Variants in UBR2 observed in about 807,000 individuals in gnomAD.
The protein encoded by UBR2 is E3 ubiquitin-protein ligase UBR2.
A neutral mutation model predicts 247.9 loss-of-function variants in UBR2; 92 were observed. That is an observed-to-expected ratio of 0.37 (90% CI 0.31 to 0.44). The LOEUF (loss-of-function observed/expected upper bound fraction) is 0.44. UBR2 is among the 20% of genes least tolerant of loss of function. The pLI is 1.00. For synonymous variants in UBR2, 672 were observed against 693.5 expected, an observed-to-expected ratio of 0.97 and a Z score of 0.49; for missense variants, 1,613 against 2,112.6, an observed-to-expected ratio of 0.76 and a Z score of 4.64.
intron 2 of UBR2, among the ~76,000 whole-genome samples, chr6:42,580,719 T>C (rs954573142): frequency 1.3e-5 from 2 of 152,150 alleles, no homozygotes; most frequent in Admixed American, 6.5e-5. Flanking sequence ...TGTTTTGTAT[T>C]TGTAGTAGAG....
intron 1 of UBR2, among the ~76,000 whole-genome samples, chr6:42,565,928 G>C (rs1790753592): frequency 6.6e-6 from 1 of 152,034 alleles, no homozygotes; most frequent in South Asian, 2.1e-4. Flanking sequence ...TCTACTTAAT[G>C]TTGTACAACT....
intron 10 of UBR2, among the ~76,000 whole-genome samples, chr6:42,616,959 C>T (rs768819880): frequency 6.6e-5 from 10 of 152,172 alleles, no homozygotes; most frequent in Middle Eastern, 6.3e-3. Context: ...TTTAGCTCCA[C>T]CAGCATACAA....
rs1380548969 is a variant in UBR2, at chr6:42,617,521, G to A, written c.1281+14G>A. ...GTTCCTTCACTTGTAAGTACTGAAA[G>A]ACTAGAAGAACTTTCTTGTTTTCCA... On this transcript the variant is annotated intron_variant, in intron 11 of 46. Transcript: ENST00000372901. The A allele has an allele frequency of 5.8e-6, 9 of 1,549,254 alleles. No homozygotes were observed. The highest frequency in any genetic ancestry group is 7.9e-6 in the Non-Finnish European group (9 of 1,145,886).
In UBR2 at chr6:42,659,520, T is replaced by TATACACACACACACACAC. The variant is rs1404867350; in HGVS notation, c.3243-135_3243-134insTACACACACACACACACA. 1 of 472,384 alleles carries TATACACACACACACACAC rather than the reference T, an allele frequency of 2.1e-6. No homozygotes were observed. Among genetic ancestry groups the TATACACACACACACACAC allele is most frequent in the Admixed American group, 3.9e-5 (1 of 25,968 alleles). The allele number at this position is 472,384 out of a possible 1,614,324, so 29.3% of individuals were successfully genotyped here. ...GTCTCAAAAAATAAATAAATATATATACACACACACACACACACACACACA... is the reference window on the plus strand; with the variant it reads ...GTCTCAAAAAATAAATAAATATATATATACACACACACACACACACACACACACACACACACACACACA... On this transcript the variant is annotated intron_variant, in intron 29 of 46. Coordinates refer to ENST00000372901, the MANE Select transcript of UBR2 (RefSeq NM_001363705.2). The surrounding 1 kb of genome is among the most constrained non-coding windows in gnomAD (Gnocchi z 4.3).
intron 2 of UBR2, 121 bp downstream of exon 2, chr6:42,574,114 T>TTTGTAA: frequency 3.1e-6 from 3 of 971,394 alleles, no homozygotes; most frequent in Non-Finnish European, 4.3e-6. Flanking sequence ...AAAATCTGTA[T>TTTGTAA]TACAAATACA....
At chr6:42,572,853 C>T (rs1582419771) in intron 1 of UBR2, among the ~76,000 whole-genome samples, 1 of 152,000 alleles carries the variant, frequency 6.6e-6, no homozygotes, top group South Asian at 2.1e-4. Flanking sequence ...TACAGGCATG[C>T]GCCACCACAT....
chr6:42,576,707 G>C (rs1226813338), intron 2 of UBR2, among the ~76,000 whole-genome samples: 1 of 151,782 alleles, frequency 6.6e-6, no homozygotes, highest in Non-Finnish European at 1.5e-5. Flanking sequence ...TTTTAGTAGG[G>C]ATGGGGTTTC....
At chr6:42,634,515 C>T (rs756538051) in intron 13 of UBR2, among the ~76,000 whole-genome samples, 3 of 152,188 alleles carry the variant, frequency 2.0e-5, no homozygotes, top group Admixed American at 1.3e-4. Flanking sequence ...AGTGCAGTGG[C>T]GCGATCTTGG....
chr6:42,569,589 T>TA (rs1177000403), intron 1 of UBR2, among the ~76,000 whole-genome samples: 3 of 152,350 alleles, frequency 2.0e-5, no homozygotes, highest in Non-Finnish European at 4.4e-5. Context: ...AACTCCCACT[T>TA]AAACACTATT....
intron 11 of UBR2, among the ~76,000 whole-genome samples, chr6:42,630,262 G>A (rs1370765379): frequency 5.3e-5 from 8 of 150,464 alleles, no homozygotes; most frequent in Admixed American, 4.6e-4. Context: ...TCGGTTCACT[G>A]CAACCTCTGC....
chr6:42,655,420 G>A (rs1483085045), intron 25 of UBR2, among the ~76,000 whole-genome samples: 1 of 149,848 alleles, frequency 6.7e-6, no homozygotes, highest in East Asian at 2.0e-4. Flanking sequence ...AGAGGTTGCA[G>A]TGAGCCTGGG....
intron 36 of UBR2, among the ~76,000 whole-genome samples, 193 bp from the exon 37 acceptor site, chr6:42,673,598 T>G (rs1798562447): frequency 6.6e-6 from 1 of 152,226 alleles, no homozygotes; most frequent in African/African-American, 2.4e-5. Flanking sequence ...AGATTTCATT[T>G]ATTCAGCACA....
At chr6:42,678,504 G>A in intron 40 of UBR2, 35 bp from the exon 41 acceptor site, 1 of 1,594,580 alleles carries the variant, frequency 6.3e-7, no homozygotes, top group Non-Finnish European at 8.5e-7. Context: ...CCTTTTCTTA[G>A]TAGATTTCCC....
chr6:42,567,499 G>A (rs1488354739), intron 1 of UBR2, among the ~76,000 whole-genome samples: 1 of 152,160 alleles, frequency 6.6e-6, no homozygotes, highest in Non-Finnish European at 1.5e-5. Flanking sequence ...GGGAGGCCAA[G>A]GAGGGCAGAT....
At chr6:42,610,779 G>A (rs1003134462) in intron 7 of UBR2, among the ~76,000 whole-genome samples, 1 of 151,920 alleles carries the variant, frequency 6.6e-6, no homozygotes, top group East Asian at 1.9e-4. Context: ...ACAACAGTAT[G>A]AATGTACTTA....
intron 11 of UBR2, among the ~76,000 whole-genome samples, chr6:42,622,587 A>G (rs1795060121): frequency 6.6e-6 from 1 of 151,014 alleles, no homozygotes; most frequent in Non-Finnish European, 1.5e-5. Flanking sequence ...TACTTTTCAT[A>G]GAGATGGTGT....
intron 30 of UBR2, among the ~76,000 whole-genome samples, chr6:42,661,366 T>C (rs1797794946): frequency 1.3e-5 from 2 of 152,190 alleles, no homozygotes; most frequent in African/African-American, 2.4e-5. Flanking sequence ...TTTATTTAAC[T>C]TATTACTTCT....
intron 1 of UBR2, among the ~76,000 whole-genome samples, chr6:42,569,374 C>T (rs192357282): frequency 2.6e-5 from 4 of 152,262 alleles, no homozygotes; most frequent in Admixed American, 1.3e-4. Flanking sequence ...TATGCCTTCT[C>T]ATTGTGGTTT....
In UBR2 at chr6:42,678,659, C is replaced by T. The variant is rs575822442; in HGVS notation, c.4599C>T (p.Pro1533=). 36 of 1,610,744 alleles carry T rather than the reference C, an allele frequency of 2.2e-5. No individual in the cohort carries two copies. The highest frequency in any genetic ancestry group is 3.4e-5 in the Admixed American group (2 of 59,350). ...ACTTAAATGGAGTTCCTTCCCCACC[C>T]GACATTCAAGGTAATTTATACTTTC... ...FHYLNGVPSP[P]DIQVPGTSHF... The change falls in exon 41 of 47, where the codon CCC becomes CCT. Residue 1533 remains proline, a synonymous_variant. Transcript: ENST00000372901.
Sources: gnomAD v4.1 joint callset for allele counts (sites outside exome capture counted in the v4.1 genomes callset) on GRCh38, gnomAD v4.1.1 for gene constraint, Gnocchi (gnomAD v3.1) non-coding constraint, MANE v1.5 for transcripts, NCBI Gene and HGNC (gene_info 2026-07-23, HGNC 2026-07-21) for gene names.